Variants in CPZ observed in about 807,000 individuals in gnomAD.
The protein encoded by CPZ is VEZT/CPZ fusion.
CPZ carries 103 observed loss-of-function variants against 61.8 expected under a neutral mutation model. That is an observed-to-expected ratio of 1.67 (90% confidence interval 1.42 to 1.96). The LOEUF (loss-of-function observed/expected upper bound fraction) is 1.96, where lower values mean the gene tolerates loss of function less well. CPZ is among the 30% of genes most tolerant of loss of function. The pLI is 0.00. For synonymous variants in CPZ, 551 were observed against 373.7 expected, an observed-to-expected ratio of 1.47 and a Z score of -5.47; for missense variants, 1,461 against 914.9, an observed-to-expected ratio of 1.60 and a Z score of -7.70.
chr4:8,604,440 A>G (rs115829846), intron 4 of CPZ, among the ~76,000 whole-genome samples: 2,036 of 152,384 alleles, frequency 0.013, 24 homozygotes, highest in Non-Finnish European at 0.021. Context: ...AATAATGGAG[A>G]CATTGATCTA....
chr4:8,609,072 C>CACTCACCCATTCACTCCCT lies in CPZ; in HGVS notation c.1227+1647_1227+1648insACTCACCCATTCACTCCCT, dbSNP rs113012911. Among the ~76,000 whole-genome samples the CACTCACCCATTCACTCCCT allele has an allele frequency of 5.0e-3, 554 of 110,968 alleles. 4 individuals are homozygous for CACTCACCCATTCACTCCCT. The highest frequency in any genetic ancestry group is 0.017 in the African/African-American group (496 of 29,336). 72.8% of individuals were successfully genotyped at this position (110,968 alleles called of 152,430 possible). ...CCTCCCTCCCTCACTCCCTCACTCA[C>CACTCACCCATTCACTCCCT]CACTCATACATTCACCCATTCACTC... On this transcript the variant is annotated intron_variant, in intron 7 of 10. Transcript: ENST00000360986.
rs1489248423 is a variant in CPZ, at chr4:8,619,300, A to T, written c.1642A>T (p.Ile548Phe). ...GDYWRLLPPG[I>F]HIVIAQAPGY... Reference sequence around the variant, plus strand: ...CTACTGGAGACTGCTGCCCCCAGGTATCCACATTGTCATTGCCCAAGCCCC... The same window carrying T: ...CTACTGGAGACTGCTGCCCCCAGGTTTCCACATTGTCATTGCCCAAGCCCC... The change falls in exon 11 of 11, where the codon ATC becomes TTC. Residue 548 changes from isoleucine to phenylalanine, a missense_variant. By Grantham distance (21) the Ile-to-Phe change is conservative (BLOSUM62 0). Transcript: ENST00000360986. 1.9e-6 allele frequency: 3 copies of T among 1,613,646 alleles called. No individual in the cohort carries two copies. The highest frequency in any genetic ancestry group is 2.5e-6 in the Non-Finnish European group (3 of 1,179,864).
intron 10 of CPZ, among the ~76,000 whole-genome samples, chr4:8,618,732 C>A (rs1448533891): frequency 2.6e-5 from 4 of 152,142 alleles, no homozygotes; most frequent in African/African-American, 7.2e-5. Flanking sequence ...AAGAGCTTGC[C>A]CAGCCGTAGC....
chr4:8,597,804 G>A (rs887643781), intron 1 of CPZ, among the ~76,000 whole-genome samples: 10 of 152,194 alleles, frequency 6.6e-5, no homozygotes, highest in African/African-American at 1.7e-4. Context: ...TGCTGGGCTC[G>A]GACCATAGGT....
intron 1 of CPZ, among the ~76,000 whole-genome samples, chr4:8,596,484 C>A (rs908473812): frequency 2.6e-5 from 4 of 152,236 alleles, no homozygotes; most frequent in African/African-American, 9.6e-5. Flanking sequence ...TCTTCCTGCC[C>A]CTTGGGAAAC....
chr4:8,611,873 GGACACCGTTCCCCTCTCCTACCTGCA>G (rs1715726367), intron 7 of CPZ, among the ~76,000 whole-genome samples, 128 bp from the exon 8 acceptor site: 2 of 152,038 alleles, frequency 1.3e-5, no homozygotes, highest in Non-Finnish European at 2.9e-5. Context: ...GTCCTCTGCA[GGACACCGTTCCCCTCTCCTACCTGCA>G]GACACCATTC....
intron 10 of CPZ, among the ~76,000 whole-genome samples, 194 bp from the exon 11 acceptor site, chr4:8,619,068 C>G (rs1716456113): frequency 6.6e-6 from 1 of 152,054 alleles, no homozygotes; most frequent in Non-Finnish European, 1.5e-5. Context: ...GGTGCCTAAG[C>G]AGGGTTTTGA....
At chr4:8,618,584 C>A (rs919789297) in intron 10 of CPZ, 56 bp downstream of exon 10, 26 of 1,516,922 alleles carry the variant, frequency 1.7e-5, no homozygotes, top group Non-Finnish European at 2.3e-5. Context: ...AAATGCCACA[C>A]CGTGGCAGCC....
chr4:8,613,128 T>G lies in CPZ; in HGVS notation c.1363+966T>G, dbSNP rs1215386061. On this transcript the variant is annotated intron_variant, in intron 8 of 10. Transcript: ENST00000360986. ...AGCAGAGCTGGGAGAGGCCCCTCTC[T>G]GTTCCTTTTTTTTTTTTTTTTTGAG... 2.1e-5 allele frequency among the ~76,000 whole-genome samples: 3 copies of G among 144,104 alleles called. No homozygotes were observed. The East Asian group carries it at 6.4e-4, about 31-fold the overall frequency. The allele number at this position is 144,104 out of a possible 152,430, so 94.5% of individuals were successfully genotyped here. A position where few individuals can be genotyped will look rare whatever the true frequency, so the allele number is the denominator to read the frequency against.
Position 8,599,836 on chromosome 4 carries a change from G to T in CPZ, c.121+351G>T. ...TGGCTCTGTGCCGGGCCCCTGCTGA[G>T]TCTGGGGTTTGGGTGAGTCACCTCC... On this transcript the variant is annotated intron_variant, in intron 2 of 10. Coordinates refer to ENST00000360986, the MANE Select transcript of CPZ (RefSeq NM_001014447.3). 4 of 300,538 alleles carry T rather than the reference G, an allele frequency of 1.3e-5. No individual in the cohort carries two copies. The South Asian group carries it at 1.8e-4, about 13-fold the overall frequency. 18.6% of individuals were successfully genotyped at this position (300,538 alleles called of 1,614,324 possible). A position where few individuals can be genotyped will look rare whatever the true frequency, so the allele number is the denominator to read the frequency against.
chr4:8,596,374 T>G (rs1047447096), intron 1 of CPZ, among the ~76,000 whole-genome samples: 2 of 152,230 alleles, frequency 1.3e-5, no homozygotes, highest in Admixed American at 1.3e-4. Context: ...CTAAGCATGG[T>G]GGGCGCTTTG....
chr4:8,614,869 A>C (rs1409084540), intron 9 of CPZ, among the ~76,000 whole-genome samples: 1 of 149,436 alleles, frequency 6.7e-6, no homozygotes, highest in African/African-American at 2.4e-5. Flanking sequence ...CTTCATCTTG[A>C]AGAAGGGTAG....
chr4:8,618,359 C>A, intron 9 of CPZ, 70 bp from the exon 10 acceptor site: 1 of 1,459,408 alleles, frequency 6.9e-7, no homozygotes, highest in Non-Finnish European at 9.6e-7. Flanking sequence ...ATGTGGGGAA[C>A]GAGCTGACGG....
At chr4:8,609,080 A>ACTCACTCCCTCCCTCACTCACCACT (rs1560297776) in intron 7 of CPZ, among the ~76,000 whole-genome samples, 5 of 17,488 alleles carry the variant, frequency 2.9e-4, no homozygotes, top group Admixed American at 6.3e-4. Flanking sequence ...CACCACTCAT[A>ACTCACTCCCTCCCTCACTCACCACT]CATTCACCCA....
rs140379391 is a variant in CPZ, at chr4:8,604,002, C to T, written c.523C>T (p.Pro175Ser). ...AGGCCTGGAGGCTGACGAGGCACTG[C>T]CCTCAGGGCTGCCGCCCACCTTCAT... ...RGGLEADEAL[P>S]SGLPPTFIRF... The change falls in exon 4 of 11, where the codon CCC becomes TCC. Residue 175 changes from proline (P) to serine (S), a missense_variant. Pro to Ser is a moderately conservative substitution (Grantham distance 74, BLOSUM62 -1). Coordinates refer to ENST00000360986, the MANE Select transcript of CPZ (RefSeq NM_001014447.3). 22 of 1,612,032 alleles carry T rather than the reference C, an allele frequency of 1.4e-5. No individual in the cohort carries two copies. Among genetic ancestry groups the T allele is most frequent in the Non-Finnish European group, 1.8e-5 (21 of 1,179,814 alleles).
chr4:8,606,050 G>C lies in CPZ; in HGVS notation c.771G>C (p.Met257Ile), dbSNP rs781211829. Residue 257 changes from methionine (M) to isoleucine (I), a missense_variant, in exon 5 of 11, where the codon ATG becomes ATC. By Grantham distance (10) the Met-to-Ile change is conservative (BLOSUM62 1). Transcript: ENST00000360986. ...GCAACGAGGTGGCGGGCCGGGAGAT[G>C]CTCATCTACCTAGCCCAGTACCTGT... ...IHGNEVAGRE[M>I]LIYLAQYLCS... The C allele has an allele frequency of 1.9e-6, 3 of 1,614,022 alleles. No homozygotes were observed. The African/African-American group carries it at 4.0e-5, about 22-fold the overall frequency.
chr4:8,614,172 T>A (rs1216545931), intron 8 of CPZ, among the ~76,000 whole-genome samples, 187 bp from the exon 9 acceptor site: 2 of 152,212 alleles, frequency 1.3e-5, no homozygotes, highest in African/African-American at 2.4e-5. Flanking sequence ...AGGAGGGGCG[T>A]CTGTGGCGAG....
chr4:8,609,160 T>TCATTTACTCATTCACC (rs1715366159), intron 7 of CPZ, among the ~76,000 whole-genome samples: 1 of 137,110 alleles, frequency 7.3e-6, no homozygotes, highest in Non-Finnish European at 1.5e-5. Context: ...ACTCCCTCAC[T>TCATTTACTCATTCACC]CATTCACTCA....
At position 8,619,669 on chromosome 4, in the gene CPZ, C is replaced by G; in HGVS notation, c.*52C>G. 1 of 1,337,916 alleles carries G rather than the reference C, an allele frequency of 7.5e-7. No individual in the cohort carries two copies. The highest frequency in any genetic ancestry group is 9.9e-7 in the Non-Finnish European group (1 of 1,009,622). The allele number at this position is 1,337,916 out of a possible 1,614,324, so 82.9% of individuals were successfully genotyped here. A position where few individuals can be genotyped will look rare whatever the true frequency, so the allele number is the denominator to read the frequency against. ...TGGAGACCGAGGCCCATCTCCGCAT[C>G]CCGGGCTCCTGGCTCTTGATTTTGT... On this transcript the variant is annotated 3_prime_UTR_variant, in exon 11 of 11. Transcript: ENST00000360986.
Sources: gnomAD v4.1 joint callset for allele counts (sites outside exome capture counted in the v4.1 genomes callset) on GRCh38, gnomAD v4.1.1 for gene constraint, MANE v1.5 for transcripts, NCBI Gene and HGNC (gene_info 2026-07-23, HGNC 2026-07-21) for gene names.